The following CSMD3 variants were observed in gnomAD, a reference collection of about 807,000 sequenced individuals.
The protein encoded by CSMD3 is CUB and Sushi multiple domains 3.
Under a neutral mutation model 435.2 loss-of-function variants are expected in CSMD3, and 177 were observed. The observed-to-expected ratio is 0.41, with a 90% CI of 0.36 to 0.46. The LOEUF (loss-of-function observed/expected upper bound fraction) is 0.46. Among genes scored for constraint, CSMD3 ranks in the 20% least tolerant of loss-of-function variants. The pLI is 0.34. For synonymous variants in CSMD3, 1,656 were observed against 1,520.5 expected (o/e 1.09, Z -2.07); for missense variants, 4,265 against 4,504.6 (o/e 0.95, Z 1.52).
chr8:113,040,754 A>C (rs2087570860), intron 5 of CSMD3, among the ~76,000 whole-genome samples: 1 of 152,138 alleles, frequency 6.6e-6, no homozygotes, highest in Admixed American at 6.5e-5. Context: ...TATCAAATAC[A>C]CAGGTGGCTA....
intron 13 of CSMD3, among the ~76,000 whole-genome samples, chr8:112,696,569 G>A (rs1215835199): frequency 1.3e-5 from 2 of 150,904 alleles, no homozygotes; most frequent in Non-Finnish European, 3.0e-5. Context: ...TATACAAAAA[G>A]TAATTCAAGA....
chr8:112,297,575 C>G lies in CSMD3; in HGVS notation c.8441-1569G>C, dbSNP rs183979228. Among the ~76,000 whole-genome samples, 17 of 152,138 alleles carry G rather than the reference C, an allele frequency of 1.1e-4. No individual in the cohort carries two copies. The South Asian group carries it at 1.2e-3, about 11-fold the overall frequency. On this transcript the variant is annotated intron_variant, in intron 53 of 70. Transcript: ENST00000297405. ...ACAAATTAGGAATATAGGGAACATT[C>G]TCAACCCAACAAAGACATTGTTAAA...
At chr8:112,847,618 C>T (rs2080361208) in intron 11 of CSMD3, among the ~76,000 whole-genome samples, 1 of 152,102 alleles carries the variant, frequency 6.6e-6, no homozygotes, top group Admixed American at 6.6e-5. Flanking sequence ...TAACTGAAGA[C>T]AGCTATAGTC....
intron 61 of CSMD3, among the ~76,000 whole-genome samples, chr8:112,263,334 C>A (rs1816618535): frequency 6.6e-6 from 1 of 151,848 alleles, no homozygotes. Flanking sequence ...GAGTATTCGG[C>A]TAAGACAAAA....
At chr8:112,571,318 A>C (rs1829495838) in intron 24 of CSMD3, among the ~76,000 whole-genome samples, 2 of 151,984 alleles carry the variant, frequency 1.3e-5, no homozygotes, top group African/African-American at 4.8e-5. Flanking sequence ...ATTAATTGTT[A>C]ATTAAGAAAA....
chr8:112,676,318 C>T (rs377325787), intron 16 of CSMD3, among the ~76,000 whole-genome samples: 1 of 151,954 alleles, frequency 6.6e-6, no homozygotes. Flanking sequence ...GAGAGCAGAA[C>T]ATATCCAAAA....
At chr8:112,748,402 G>A (rs1055688342) in intron 13 of CSMD3, among the ~76,000 whole-genome samples, 1 of 152,060 alleles carries the variant, frequency 6.6e-6, no homozygotes, top group African/African-American at 2.4e-5. Context: ...AGATAAACAG[G>A]TGTCACAGGG....
chr8:112,902,551 G>A (rs2082134739), intron 10 of CSMD3, among the ~76,000 whole-genome samples: 1 of 151,184 alleles, frequency 6.6e-6, no homozygotes, highest in East Asian at 2.0e-4. Context: ...GTTTGATGAA[G>A]GTACCCAATG....
chr8:113,363,525 T>C (rs574163992), intron 1 of CSMD3, among the ~76,000 whole-genome samples: 1 of 152,282 alleles, frequency 6.6e-6, no homozygotes, highest in African/African-American at 2.4e-5. Context: ...CAGAAGGGCC[T>C]TGTTCCCGGA....
chr8:113,212,267 T>C (rs1004372216), intron 3 of CSMD3, among the ~76,000 whole-genome samples: 1 of 152,176 alleles, frequency 6.6e-6, no homozygotes, highest in Non-Finnish European at 1.5e-5. Context: ...TAATAAAATC[T>C]GCTGTGGTGA....
chr8:112,889,053 C>T (rs2081699857), intron 10 of CSMD3, among the ~76,000 whole-genome samples: 1 of 151,620 alleles, frequency 6.6e-6, no homozygotes, highest in Admixed American at 6.6e-5. Context: ...TGTTTTAAAA[C>T]TGAAAGCAAA....
chr8:112,472,478 G>T, intron 32 of CSMD3, 113 bp downstream of exon 32: 1 of 746,414 alleles, frequency 1.3e-6, no homozygotes, highest in South Asian at 1.4e-5. Context: ...GAATTGCATA[G>T]TAAAATACTT....
At chr8:113,046,369 CAACAAT>C (rs1337087443) in intron 5 of CSMD3, among the ~76,000 whole-genome samples, 1 of 149,614 alleles carries the variant, frequency 6.7e-6, no homozygotes, top group Non-Finnish European at 1.5e-5. Flanking sequence ...TTTGAACAAA[CAACAAT>C]AACAAAACAA....
intron 3 of CSMD3, 64 bp from the exon 4 acceptor site, chr8:113,173,980 G>T: frequency 2.5e-6 from 3 of 1,187,824 alleles, no homozygotes; most frequent in South Asian, 1.2e-5. Context: ...TGTTTTAGAT[G>T]TATAAAATTA....
At position 113,237,609 on chromosome 8, in the gene CSMD3, T is replaced by C. The variant is rs981160552; in HGVS notation, c.514+40983A>G. On this transcript the variant is annotated intron_variant, in intron 3 of 70. Transcript: ENST00000297405. ...GGTACAGGCATGATCAGCAGCTTGATTCCAGTTGGTCTCTAGATGAATTAC... is the reference window on the plus strand; with the variant it reads ...GGTACAGGCATGATCAGCAGCTTGACTCCAGTTGGTCTCTAGATGAATTAC... Among the ~76,000 whole-genome samples, 7 of 152,148 alleles carry C rather than the reference T, an allele frequency of 4.6e-5. 1 individual carries two copies.
intron 7 of CSMD3, among the ~76,000 whole-genome samples, chr8:112,963,358 A>G (rs1258271548): frequency 6.6e-6 from 1 of 151,948 alleles, no homozygotes; most frequent in Non-Finnish European, 1.5e-5. Flanking sequence ...ATTAGGCAAC[A>G]TTCTATTGTT....
rs148357571 is a variant in CSMD3 at position 112,530,436 on chromosome 8, G to C, written c.4565-13211C>G. ...GAGAAGAACAACTTGTCACATATAA[G>C]GGAAGCTCCATAAGAGTAGCTATTT... On this transcript the variant is annotated intron_variant, in intron 27 of 70. Transcript: ENST00000297405. Among the ~76,000 whole-genome samples, 3 of 152,230 alleles carry C rather than the reference G, an allele frequency of 2.0e-5. No individual in the cohort carries two copies. In the East Asian group the frequency reaches 5.8e-4, roughly 29 times the overall value.
At chr8:112,949,832 G>T (rs982111184) in intron 8 of CSMD3, among the ~76,000 whole-genome samples, 2 of 151,812 alleles carry the variant, frequency 1.3e-5, no homozygotes, top group African/African-American at 4.8e-5. Flanking sequence ...TTGTCTGTTC[G>T]CTGTTCTGCA....
chr8:112,866,008 A>G (rs925464056), intron 10 of CSMD3, among the ~76,000 whole-genome samples: 5 of 152,288 alleles, frequency 3.3e-5, no homozygotes, highest in Admixed American at 6.5e-5. Flanking sequence ...TAATTAATCC[A>G]CAAAGGATTC....
Sources: gnomAD v4.1 joint callset for allele counts (sites outside exome capture counted in the v4.1 genomes callset) on GRCh38, gnomAD v4.1.1 for gene constraint, MANE v1.5 for transcripts, NCBI Gene and HGNC (gene_info 2026-07-23, HGNC 2026-07-21) for gene names.